PPARGC1A: variants seen among roughly 807,000 people sequenced by gnomAD.
PPARGC1A encodes peroxisome proliferator-activated receptor gamma coactivator 1-alpha.
PPARGC1A carries 25 observed loss-of-function variants against 88.7 expected under a neutral mutation model. That is an observed-to-expected ratio of 0.28 (90% CI 0.21 to 0.39). The LOEUF (loss-of-function observed/expected upper bound fraction) is 0.39, where lower values mean the gene tolerates loss of function less well. Among genes scored for constraint, PPARGC1A ranks in the 10% least tolerant of loss-of-function variants. The pLI is 1.00. For missense variants in PPARGC1A, 880 were observed against 968.7 expected (o/e 0.91, Z 1.22); for synonymous variants, 363 against 355.6 (o/e 1.02, Z -0.24).
the PPARGC1A span, among the ~76,000 whole-genome samples, chr4:24,455,286 G>C: frequency 7.2e-5 from 11 of 152,264 alleles, no homozygotes; most frequent in South Asian, 2.3e-3. Context: ...TTTGAGACCA[G>C]CCTGGGCAAC....
the PPARGC1A span, among the ~76,000 whole-genome samples, chr4:24,466,246 T>C: frequency 5.3e-5 from 8 of 152,206 alleles, no homozygotes; most frequent in East Asian, 5.8e-4. Flanking sequence ...TATCTGGTTA[T>C]ATAAAAGAAA....
the PPARGC1A span, among the ~76,000 whole-genome samples, chr4:24,243,503 G>T: frequency 6.6e-6 from 1 of 152,150 alleles, no homozygotes; most frequent in East Asian, 1.9e-4. Flanking sequence ...AACTAGAAAA[G>T]ACTAGAAAGA....
the PPARGC1A span, among the ~76,000 whole-genome samples, chr4:24,357,476 C>A: frequency 6.6e-6 from 1 of 152,220 alleles, no homozygotes; most frequent in South Asian, 2.1e-4. Flanking sequence ...TTTTGCTATA[C>A]TTTTTCCTGC....
At chr4:24,289,915 C>T in the PPARGC1A span, among the ~76,000 whole-genome samples, 2 of 152,166 alleles carry the variant, frequency 1.3e-5, no homozygotes, top group African/African-American at 4.8e-5. Context: ...TTAATGGACT[C>T]ACAGTTCCAC....
At chr4:23,908,000 AG>A (rs1375645661), upstream of PPARGC1A, among the ~76,000 whole-genome samples, 2 of 152,218 alleles carry the variant, frequency 1.3e-5, no homozygotes, top group Non-Finnish European at 2.9e-5. Context: ...AATGTGTAAG[AG>A]AGGCATTTTT....
chr4:23,800,967 CTTT>C (rs72052228), intron 12 of PPARGC1A, among the ~76,000 whole-genome samples: 1 of 122,086 alleles, frequency 8.2e-6, no homozygotes, highest in Non-Finnish European at 1.8e-5. Flanking sequence ...GTGTTTCTTT[CTTT>C]TTTTTTTTTT....
chr4:24,183,022 C>T, the PPARGC1A span, among the ~76,000 whole-genome samples: 5 of 152,156 alleles, frequency 3.3e-5, no homozygotes, highest in African/African-American at 9.6e-5. Flanking sequence ...TAGACGACCT[C>T]GGGCTCGGAG....
chr4:23,854,427 C>T (rs1199324823), intron 2 of PPARGC1A, among the ~76,000 whole-genome samples: 1 of 152,176 alleles, frequency 6.6e-6, no homozygotes, highest in Non-Finnish European at 1.5e-5. Context: ...GGCACATCAT[C>T]AGCACATCCA....
the PPARGC1A span, among the ~76,000 whole-genome samples, chr4:23,981,101 T>C: frequency 6.6e-6 from 1 of 151,932 alleles, no homozygotes; most frequent in South Asian, 2.1e-4. Context: ...TTAAACCACA[T>C]TATAATTTGC....
the PPARGC1A span, among the ~76,000 whole-genome samples, chr4:23,957,534 T>C: frequency 2.0e-5 from 3 of 152,018 alleles, no homozygotes; most frequent in Non-Finnish European, 2.9e-5. Flanking sequence ...GAAACATAGG[T>C]TTTAAATAGT....
At chr4:24,010,348 T>C in the PPARGC1A span, among the ~76,000 whole-genome samples, 1 of 152,158 alleles carries the variant, frequency 6.6e-6, no homozygotes, top group Non-Finnish European at 1.5e-5. Flanking sequence ...GGATGAAGTA[T>C]TTAAAGGAGG....
intron 2 of PPARGC1A, among the ~76,000 whole-genome samples, chr4:23,848,512 G>T (rs761552824): frequency 2.6e-5 from 4 of 152,124 alleles, no homozygotes; most frequent in Non-Finnish European, 5.9e-5. Flanking sequence ...CTTCAGGGGT[G>T]AAAGATCTGA....
the PPARGC1A span, among the ~76,000 whole-genome samples, chr4:24,085,640 T>A: frequency 6.6e-6 from 1 of 152,212 alleles, no homozygotes; most frequent in East Asian, 1.9e-4. Context: ...AGACCTGGCA[T>A]AAGAGAAACT....
the PPARGC1A span, among the ~76,000 whole-genome samples, chr4:24,114,882 T>C: frequency 6.6e-6 from 1 of 152,144 alleles, no homozygotes; most frequent in Non-Finnish European, 1.5e-5. Context: ...TAGGCCATTC[T>C]ACTAACATGA....
chr4:23,929,080 C>T, the PPARGC1A span, among the ~76,000 whole-genome samples: 3 of 151,960 alleles, frequency 2.0e-5, no homozygotes, highest in Non-Finnish European at 4.4e-5. Flanking sequence ...CCATGGCACA[C>T]GTTTACCTAT....
At chr4:24,247,713 C>T in the PPARGC1A span, among the ~76,000 whole-genome samples, 138 of 152,128 alleles carry the variant, frequency 9.1e-4, 1 homozygote, top group Non-Finnish European at 1.1e-3. Context: ...TGGCACATTG[C>T]AATCATTCGT....
At chr4:24,406,141 C>T in the PPARGC1A span, among the ~76,000 whole-genome samples, 18 of 152,152 alleles carry the variant, frequency 1.2e-4, no homozygotes, top group African/African-American at 3.1e-4. Flanking sequence ...CAGTGCTGCA[C>T]GTAAAATGTC....
At chr4:24,446,316 C>T in the PPARGC1A span, among the ~76,000 whole-genome samples, 1 of 152,110 alleles carries the variant, frequency 6.6e-6, no homozygotes, top group South Asian at 2.1e-4. Context: ...ATGTGCATTT[C>T]CCTGATGATT....
the PPARGC1A span, among the ~76,000 whole-genome samples, chr4:24,253,684 C>T: frequency 5.9e-5 from 9 of 152,232 alleles, no homozygotes; most frequent in Non-Finnish European, 8.8e-5. Context: ...ACTTGTGGGA[C>T]GCTGAGAGCG....
Sources: allele counts gnomAD v4.1 joint callset (sites outside exome capture counted in the v4.1 genomes callset), GRCh38; gene constraint gnomAD v4.1.1; transcripts MANE v1.5; gene names NCBI Gene and HGNC (gene_info 2026-07-23, HGNC 2026-07-21).